Variants in ATG13 observed in about 807,000 individuals in gnomAD.
The protein encoded by ATG13 is autophagy-related protein 13.
ATG13 carries 23 observed loss-of-function variants against 65.5 expected under a neutral mutation model. That is an observed-to-expected ratio of 0.35 (90% CI 0.25 to 0.50). The LOEUF is 0.50. Ranked by LOEUF, ATG13 falls within the 20% of genes least tolerant of loss-of-function variation. The pLI is 0.98. For missense variants in ATG13, 566 were observed against 677.0 expected, an observed-to-expected ratio of 0.84 and a Z score of 1.82; for synonymous variants, 252 against 245.2, an observed-to-expected ratio of 1.03 and a Z score of -0.26.
chr11:46,664,817 C>T (rs1372647459), intron 12 of ATG13, 32 bp from the exon 13 acceptor site: 3 of 1,588,670 alleles, frequency 1.9e-6, no homozygotes, highest in African/African-American at 1.3e-5. Context: ...CCTTGCCTTT[C>T]CTTTTCTCCT....
At chr11:46,649,034 T>C in intron 5 of ATG13, 103 bp from the exon 6 acceptor site, 1 of 929,424 alleles carries the variant, frequency 1.1e-6, no homozygotes, top group South Asian at 2.1e-5. Flanking sequence ...TATCTATTCT[T>C]TTTTTTTTGC....
chr11:46,672,864 C>A lies in ATG13; in HGVS notation c.*532C>A, dbSNP rs1358448142. ...CTTCCTGCTATCTTCTTCTCCTCTTCTTCTCTCTCTTGCCTCTATGCCTGT... is the reference window on the plus strand; with the variant it reads ...CTTCCTGCTATCTTCTTCTCCTCTTATTCTCTCTCTTGCCTCTATGCCTGT... On this transcript the variant is annotated 3_prime_UTR_variant, in exon 19 of 19. Coordinates refer to ENST00000683050, the MANE Select transcript of ATG13 (RefSeq NM_001346311.2). 4.4e-6 allele frequency: 5 copies of A among 1,140,194 alleles called. No individual in the cohort carries two copies. The Admixed American group carries it at 9.1e-5, about 21-fold the overall frequency. The allele number at this position is 1,140,194 out of a possible 1,614,324, so 70.6% of individuals were successfully genotyped here. A position where few individuals can be genotyped will look rare whatever the true frequency, so the allele number is the denominator to read the frequency against.
chr11:46,649,062 TA>T lies in ATG13; in HGVS notation c.271-74del. The stretch of plus-strand genomic sequence containing the variant: ...TTTTTTGCTTATCTATACCTTTTAA[TA>T]TTTTTATAGTGACTGTAATGCTTTG... On this transcript the variant is annotated intron_variant, in intron 5 of 18. Coordinates refer to ENST00000683050, the MANE Select transcript of ATG13 (RefSeq NM_001346311.2). 3 of 1,312,822 alleles carry T rather than the reference TA, an allele frequency of 2.3e-6. No homozygotes were observed. The South Asian group carries it at 4.1e-5, about 18-fold the overall frequency. The allele number at this position is 1,312,822 out of a possible 1,614,324, so 81.3% of individuals were successfully genotyped here. A position where few individuals can be genotyped will look rare whatever the true frequency, so the allele number is the denominator to read the frequency against.
Position 46,663,875 on chromosome 11 carries a change from A to G in ATG13, c.790-122A>G, listed in dbSNP as rs995795327. The G allele has an allele frequency of 1.9e-5, 13 of 668,604 alleles. No individual in the cohort carries two copies. The Admixed American group carries it at 2.9e-4, about 15-fold the overall frequency. The allele number at this position is 668,604 out of a possible 1,614,324, so 41.4% of individuals were successfully genotyped here. On this transcript the variant is annotated intron_variant, in intron 11 of 18. Transcript: ENST00000683050. Reference sequence around the variant, plus strand: ...CTTGCCCTGCTTCACTCCTGACTCCAGTGTCAGTTCTGGCCTCTCTTGCTA... The same window carrying G: ...CTTGCCCTGCTTCACTCCTGACTCCGGTGTCAGTTCTGGCCTCTCTTGCTA...
At chr11:46,665,006 C>A in intron 13 of ATG13, 47 bp downstream of exon 13, 1 of 1,538,832 alleles carries the variant, frequency 6.5e-7, no homozygotes, top group Non-Finnish European at 9.0e-7. Flanking sequence ...TGCTGCCTCC[C>A]CTGCCCGGAG....
chr11:46,665,424 C>T lies in ATG13; in HGVS notation c.1041C>T (p.Pro347=), dbSNP rs1332158821. ...AGGAAGGTGGGGTACCCCTTGCTCCCAACCAGCCTGTCCATGGTACCCAGG... is the reference window on the plus strand; with the variant it reads ...AGGAAGGTGGGGTACCCCTTGCTCCTAACCAGCCTGTCCATGGTACCCAGG... ...PGKEGGVPLA[P]NQPVHGTQAD... The change falls in exon 14 of 19, where the codon CCC becomes CCT. Residue 347 remains proline (P), a synonymous_variant. Coordinates refer to ENST00000683050, the MANE Select transcript of ATG13 (RefSeq NM_001346311.2). The T allele has an allele frequency of 6.2e-7, 1 of 1,614,150 alleles. No individual in the cohort carries two copies.
intron 7 of ATG13, among the ~76,000 whole-genome samples, chr11:46,652,474 G>A (rs2059123894): frequency 6.6e-6 from 1 of 152,102 alleles, no homozygotes; most frequent in African/African-American, 2.4e-5. Context: ...CAGCACTTTG[G>A]GAGGCCGAGG....
chr11:46,619,827 A>G (rs1385302568), intron 1 of ATG13, among the ~76,000 whole-genome samples: 1 of 151,754 alleles, frequency 6.6e-6, no homozygotes, highest in Admixed American at 6.6e-5. Context: ...CAGGAGTTCA[A>G]GACCAGCCTG....
intron 2 of ATG13, among the ~76,000 whole-genome samples, chr11:46,634,469 G>C (rs1382623404): frequency 6.7e-6 from 1 of 149,330 alleles, no homozygotes; most frequent in Non-Finnish European, 1.5e-5. Flanking sequence ...CACAATCTCA[G>C]CTCACTGCAC....
chr11:46,674,232 A>C lies in ATG13; in HGVS notation c.*1900A>C, dbSNP rs2064319598. On this transcript the variant is annotated 3_prime_UTR_variant, in exon 19 of 19. Coordinates refer to ENST00000683050, the MANE Select transcript of ATG13 (RefSeq NM_001346311.2). ...CATCTACAGGTGGCAGCAGCCTTTC[A>C]CCAGGGCTCCATCTGTGAAGAGTCT... The C allele has an allele frequency of 1.3e-5, 2 of 152,258 alleles. No individual in the cohort carries two copies. Among genetic ancestry groups the C allele is most frequent in the African/African-American group, 4.8e-5 (2 of 41,434 alleles). 9.4% of individuals were successfully genotyped at this position (152,258 alleles called of 1,614,324 possible). A position where few individuals can be genotyped will look rare whatever the true frequency, so the allele number is the denominator to read the frequency against.
rs763076074 is a variant in ATG13, at chr11:46,669,384, A to G, written c.1447-20A>G. ...CTGTGGTTCAAGGCAAGCTAAACTG[A>G]CTCTGTCTTGTTTTTGAAGAAACCA... On this transcript the variant is annotated intron_variant, in intron 17 of 18. Coordinates refer to ENST00000683050, the MANE Select transcript of ATG13 (RefSeq NM_001346311.2). 10 of 1,613,318 alleles carry G rather than the reference A, an allele frequency of 6.2e-6. No homozygotes were observed. The Admixed American group carries it at 6.7e-5, about 11-fold the overall frequency.
chr11:46,656,947 AC>A, intron 8 of ATG13, 147 bp from the exon 9 acceptor site: 1 of 684,122 alleles, frequency 1.5e-6, no homozygotes, highest in East Asian at 2.5e-5. Flanking sequence ...ACACACACAC[AC>A]ATATGAAATT....
chr11:46,653,352 T>A (rs1194973660), intron 7 of ATG13, among the ~76,000 whole-genome samples: 2 of 151,930 alleles, frequency 1.3e-5, no homozygotes, highest in Non-Finnish European at 2.9e-5. Context: ...TTTTGTATTT[T>A]AATTAGAGAT....
chr11:46,618,808 G>C (rs1175326943), intron 1 of ATG13, among the ~76,000 whole-genome samples: 1 of 151,538 alleles, frequency 6.6e-6, no homozygotes, highest in Non-Finnish European at 1.5e-5. Context: ...TAGTTTTTTA[G>C]ATTTTAAAAT....
intron 1 of ATG13, among the ~76,000 whole-genome samples, chr11:46,623,765 T>A (rs898627815): frequency 1.6e-4 from 25 of 152,132 alleles, no homozygotes; most frequent in South Asian, 4.1e-4. Context: ...TGATTTTTTT[T>A]AATTCAAATC....
intron 1 of ATG13, among the ~76,000 whole-genome samples, chr11:46,629,477 A>T (rs985306403): frequency 2.0e-5 from 3 of 150,598 alleles, no homozygotes; most frequent in Admixed American, 6.6e-5. Context: ...GCTCACTGCA[A>T]CCTCTGCCTC....
intron 11 of ATG13, among the ~76,000 whole-genome samples, chr11:46,661,135 C>T (rs1188296303): frequency 1.3e-5 from 2 of 152,172 alleles, no homozygotes; most frequent in Non-Finnish European, 2.9e-5. Context: ...AAACCATCCT[C>T]CCACCTCAGT....
chr11:46,651,713 C>T (rs1303308495), intron 7 of ATG13, among the ~76,000 whole-genome samples: 1 of 152,108 alleles, frequency 6.6e-6, no homozygotes, highest in Non-Finnish European at 1.5e-5. Flanking sequence ...TTGTCATTTC[C>T]TTTAACTTTC....
intron 13 of ATG13, among the ~76,000 whole-genome samples, 177 bp downstream of exon 13, chr11:46,665,136 A>C (rs962388637): frequency 1.3e-5 from 2 of 152,238 alleles, no homozygotes; most frequent in African/African-American, 4.8e-5. Flanking sequence ...CTTAGACTTC[A>C]GAAAGGAAAG....
Sources: allele counts gnomAD v4.1 joint callset (sites outside exome capture counted in the v4.1 genomes callset), GRCh38; gene constraint gnomAD v4.1.1; transcripts MANE v1.5; gene names NCBI Gene and HGNC (gene_info 2026-07-23, HGNC 2026-07-21).